The following RHCE variants were observed in gnomAD, a reference collection of about 807,000 sequenced individuals.
The protein encoded by RHCE is blood group Rh(CE) polypeptide.
RHCE carries 22 observed loss-of-function variants against 43.8 expected under a neutral mutation model. The observed-to-expected ratio is 0.50, with a 90% CI of 0.36 to 0.72. The LOEUF is 0.72. Ranked by LOEUF, RHCE falls within the 30% of genes least tolerant of loss-of-function variation. RHCE has a pLI of 0.00. For synonymous variants in RHCE, 156 were observed against 210.7 expected, an observed-to-expected ratio of 0.74 and a Z score of 2.25; for missense variants, 385 against 525.4, an observed-to-expected ratio of 0.73 and a Z score of 2.61.
chr1:25,402,575 C>A lies in RHCE; in HGVS notation c.486+21G>T, dbSNP rs763196991. On this transcript the variant is annotated intron_variant, in intron 3 of 9. Coordinates refer to ENST00000294413, the MANE Select transcript of RHCE (RefSeq NM_020485.8). ...TTTGGCCCTTTTCTCCCAGGTCCCTCCTCCCAGCACCATGACTCACGTTGA... is the reference window on the plus strand; with the variant it reads ...TTTGGCCCTTTTCTCCCAGGTCCCTACTCCCAGCACCATGACTCACGTTGA... The A allele has an allele frequency of 4.3e-6, 7 of 1,613,914 alleles. No individual in the cohort carries two copies. The South Asian group carries it at 7.7e-5, about 18-fold the overall frequency.
At chr1:25,410,590 G>C (rs1380652422) in intron 1 of RHCE, among the ~76,000 whole-genome samples, 1 of 151,670 alleles carries the variant, frequency 6.6e-6, no homozygotes, top group Non-Finnish European at 1.5e-5. Flanking sequence ...GCACCACCAC[G>C]CCTGGCTAAT....
chr1:25,390,078 A>G (rs1646308760), intron 5 of RHCE, among the ~76,000 whole-genome samples: 1 of 144,922 alleles, frequency 6.9e-6, no homozygotes, highest in Admixed American at 6.9e-5. Context: ...TGGTCTGTCC[A>G]GACTTCCCTC....
At position 25,390,731 on chromosome 1, in the gene RHCE, G is replaced by C; in HGVS notation, c.801+18C>G. On this transcript the variant is annotated intron_variant, in intron 5 of 9. Coordinates refer to ENST00000294413, the MANE Select transcript of RHCE (RefSeq NM_020485.8). ...CCTGTTAGACCCAAGTGCTGCCCAA[G>C]GGCAGCGCCCTGCTCACCATGCTGA... 1 of 1,614,166 alleles carries C rather than the reference G, an allele frequency of 6.2e-7. No individual in the cohort carries two copies. Among genetic ancestry groups the C allele is most frequent in the East Asian group, 2.2e-5 (1 of 44,882 alleles).
chr1:25,388,949 G>C (rs952577964), intron 6 of RHCE, 27 bp downstream of exon 6: 85 of 1,614,146 alleles, frequency 5.3e-5, no homozygotes, highest in Non-Finnish European at 7.2e-5. Flanking sequence ...AGCCAAAGCA[G>C]AGAGCATTAG....
intron 7 of RHCE, among the ~76,000 whole-genome samples, chr1:25,380,899 CTTTTTT>C (rs898980956): frequency 1.9e-4 from 24 of 128,942 alleles, no homozygotes; most frequent in Admixed American, 3.9e-4. Context: ...TTCTTTCTTC[CTTTTTT>C]TTTTTTTTTT....
intron 7 of RHCE, among the ~76,000 whole-genome samples, chr1:25,382,865 T>TA (rs1410557374): frequency 6.6e-6 from 1 of 152,154 alleles, no homozygotes; most frequent in Non-Finnish European, 1.5e-5. Flanking sequence ...GAGATGCTAT[T>TA]AAAAATTTTT....
chr1:25,424,686 C>T (rs2042791844), upstream of RHCE, among the ~76,000 whole-genome samples: 1 of 152,052 alleles, frequency 6.6e-6, no homozygotes. Flanking sequence ...CTGTGCCTGG[C>T]CTCTGATTGC....
At chr1:25,379,509 T>A (rs868383338) in intron 7 of RHCE, among the ~76,000 whole-genome samples, 31 of 99,360 alleles carry the variant, frequency 3.1e-4, no homozygotes, top group African/African-American at 7.3e-4. Flanking sequence ...TTTTTTTTTT[T>A]TTTTTTTTTT....
intron 5 of RHCE, among the ~76,000 whole-genome samples, chr1:25,390,306 T>G (rs1297270370): frequency 2.0e-5 from 3 of 152,186 alleles, no homozygotes; most frequent in Admixed American, 6.5e-5. Flanking sequence ...CTCAAAACGT[T>G]GAAGTGGCTT....
At position 25,389,027 on chromosome 1, in the gene RHCE, C is replaced by A. The variant is rs1263319279; in HGVS notation, c.888G>T (p.Val296=). The A allele has an allele frequency of 1.2e-6, 2 of 1,614,252 alleles. No homozygotes were observed. Among genetic ancestry groups the A allele is most frequent in the South Asian group, 2.2e-5 (2 of 91,084 alleles). Residue 296 remains valine (V), a synonymous_variant, in exon 6 of 10, where the codon GTG becomes GTT. Coordinates refer to ENST00000294413, the MANE Select transcript of RHCE (RefSeq NM_020485.8). ...AGATCAGCCCAGCCACAAGACCCAGCACCATGGCAAGCCACGGAGAAGGGA... is the reference window on the plus strand; with the variant it reads ...AGATCAGCCCAGCCACAAGACCCAGAACCATGGCAAGCCACGGAGAAGGGA... ...HLIPSPWLAM[V]LGLVAGLISI...
At chr1:25,372,709 G>A (rs1176880017) in intron 8 of RHCE, among the ~76,000 whole-genome samples, 2 of 151,702 alleles carry the variant, frequency 1.3e-5, no homozygotes, top group Non-Finnish European at 2.9e-5. Context: ...GGCCCACAGA[G>A]GGCTCAATTA....
rs1420060083 is a variant in RHCE at position 25,376,419 on chromosome 1, G to A, written c.1074-991C>T. 2.0e-5 allele frequency among the ~76,000 whole-genome samples: 3 copies of A among 152,298 alleles called. No homozygotes were observed. In the East Asian group the frequency reaches 5.8e-4, roughly 29 times the overall value. On this transcript the variant is annotated intron_variant, in intron 7 of 9. Transcript: ENST00000294413. ...TCCTATTTCTTGTCTCAACAGGTGG[G>A]CAGCTCATGTTCTCATTTTTAAGAC...
intron 3 of RHCE, among the ~76,000 whole-genome samples, chr1:25,402,104 T>C (rs1013907772): frequency 1.3e-5 from 2 of 152,124 alleles, no homozygotes; most frequent in Non-Finnish European, 2.9e-5. Context: ...CTTGAACTCC[T>C]GACCTCAGGT....
intron 1 of RHCE, among the ~76,000 whole-genome samples, chr1:25,415,084 C>T (rs878969181): frequency 3.3e-5 from 5 of 152,078 alleles, no homozygotes; most frequent in East Asian, 3.9e-4. Context: ...CTGTCTCTCA[C>T]CTCAGGAACT....
At chr1:25,426,859 C>A (rs2042808295) in intron 2 of RHCE, among the ~76,000 whole-genome samples, 1 of 152,168 alleles carries the variant, frequency 6.6e-6, no homozygotes, top group Middle Eastern at 3.2e-3. Context: ...GAGTTTGAGA[C>A]CAGCCTGGCT....
At chr1:25,418,595 G>A (rs1335053514) in intron 1 of RHCE, among the ~76,000 whole-genome samples, 18 of 152,184 alleles carry the variant, frequency 1.2e-4, no homozygotes, top group South Asian at 4.1e-4. Flanking sequence ...CAGCTACCTC[G>A]CCCAGCCCCT....
At chr1:25,417,952 C>T (rs991088252) in intron 1 of RHCE, among the ~76,000 whole-genome samples, 21 of 152,196 alleles carry the variant, frequency 1.4e-4, no homozygotes, top group African/African-American at 5.1e-4. Context: ...GTTTACTATT[C>T]GGACCTCAGA....
chr1:25,406,266 T>C lies in RHCE; in HGVS notation c.335+2417A>G, dbSNP rs1000807554. Among the ~76,000 whole-genome samples, 6 of 120,846 alleles carry C rather than the reference T, an allele frequency of 5.0e-5. 2 individuals carry two copies. Among genetic ancestry groups the C allele is most frequent in the Non-Finnish European group, 1.9e-5 (1 of 53,330 alleles). 79.3% of individuals were successfully genotyped at this position (120,846 alleles called of 152,430 possible). On this transcript the variant is annotated intron_variant, in intron 2 of 9. Transcript: ENST00000294413. The stretch of plus-strand genomic sequence containing the variant: ...GCGTGCGTGCGTGTGTGTGTGTGTG[T>C]GTGTGTGTGTATTGAATCCCGGTGG...
chr1:25,385,755 G>T lies in RHCE; in HGVS notation c.1029C>A (p.Tyr343Ter). Residue 343 changes from tyrosine (Y) to a stop codon, truncating the protein, a stop_gained, in exon 7 of 10, where the codon TAC becomes TAA. Transcript: ENST00000294413. LOFTEE classifies it high-confidence loss of function. ...CAGTATGAAGCACCAGCAGCACAAT[G>T]TAGGTGATCTCTCCAAGCAGACCCA... ...SLLGLLGEIT[Y>*]IVLLVLHTVW... The T allele has an allele frequency of 6.2e-7, 1 of 1,613,974 alleles. No individual in the cohort carries two copies. Among genetic ancestry groups the T allele is most frequent in the Non-Finnish European group, 8.5e-7 (1 of 1,180,014 alleles).
Sources: gnomAD v4.1 joint callset for allele counts (sites outside exome capture counted in the v4.1 genomes callset) on GRCh38, gnomAD v4.1.1 for gene constraint, MANE v1.5 for transcripts, NCBI Gene and HGNC (gene_info 2026-07-23, HGNC 2026-07-21) for gene names.